TECTA: variants seen among roughly 807,000 people sequenced by gnomAD.
TECTA encodes the protein tectorin alpha, also known as alpha-tectorin.
Under a neutral mutation model 216.8 loss-of-function variants are expected in TECTA, and 128 were observed. The ratio of observed to expected loss-of-function variants is 0.59; its 90% CI spans 0.51 to 0.68. The LOEUF (loss-of-function observed/expected upper bound fraction) is 0.68, where lower values mean the gene tolerates loss of function less well. TECTA is among the 30% of genes least tolerant of loss of function. TECTA has a pLI of 0.00. For synonymous variants in TECTA, 1,089 were observed against 1,117.1 expected (o/e 0.97, Z 0.50); for missense variants, 2,551 against 2,786.2 (o/e 0.92, Z 1.90).
At chr11:121,114,493 A>G (rs1946477119) in intron 6 of TECTA, among the ~76,000 whole-genome samples, 1 of 152,174 alleles carries the variant, frequency 6.6e-6, no homozygotes, top group Non-Finnish European at 1.5e-5. Flanking sequence ...TAATATTTCT[A>G]CTTCCAGGAG....
At chr11:121,106,051 A>C in intron 3 of TECTA, 87 bp downstream of exon 3, 1 of 1,602,058 alleles carries the variant, frequency 6.2e-7, no homozygotes, top group Non-Finnish European at 8.5e-7. Context: ...CCTCTTCCAG[A>C]GCTCTGGGAA....
At chr11:121,168,373 G>T in intron 19 of TECTA, 156 bp downstream of exon 19, 1 of 1,049,752 alleles carries the variant, frequency 9.5e-7, no homozygotes. Flanking sequence ...TTGTTCAATA[G>T]AACTCTCTGT....
chr11:121,115,756 G>T (rs1346660987), intron 6 of TECTA, among the ~76,000 whole-genome samples: 1 of 152,052 alleles, frequency 6.6e-6, no homozygotes. Flanking sequence ...AAACTCCTGG[G>T]CTCAAGTAAT....
chr11:121,115,508 T>C (rs1486958166), intron 6 of TECTA, among the ~76,000 whole-genome samples: 1 of 152,176 alleles, frequency 6.6e-6, no homozygotes, highest in Admixed American at 6.5e-5. Context: ...ATGGGAAAAG[T>C]GTTTCCAGAC....
At position 121,172,475 on chromosome 11, in the gene TECTA, G is replaced by C. The variant is rs1334485084; in HGVS notation, c.5999+3550G>C. 4.6e-5 allele frequency among the ~76,000 whole-genome samples: 7 copies of C among 152,086 alleles called. No individual in the cohort carries two copies. The East Asian group carries it at 1.2e-3, about 25-fold the overall frequency. ...GTTCTTGTGATAGTTTACTGAGAAT[G>C]ATGATTTCCAATTTCATCCATGTCC... On this transcript the variant is annotated intron_variant, in intron 20 of 23. Transcript: ENST00000392793.
intron 20 of TECTA, among the ~76,000 whole-genome samples, chr11:121,183,711 G>A (rs1424376679): frequency 2.6e-5 from 4 of 152,200 alleles, no homozygotes; most frequent in African/African-American, 9.7e-5. Context: ...TGGCGACAGA[G>A]CAAGACTCCA....
chr11:121,114,057 T>TTGC (rs1301332889), intron 6 of TECTA, among the ~76,000 whole-genome samples: 6 of 152,174 alleles, frequency 3.9e-5, no homozygotes, highest in Non-Finnish European at 5.9e-5. Context: ...GTTGTTGTTG[T>TTGC]TGCCATTTCC....
chr11:121,167,888 T>A (rs975672770), intron 18 of TECTA, among the ~76,000 whole-genome samples, 166 bp from the exon 19 acceptor site: 2 of 152,158 alleles, frequency 1.3e-5, no homozygotes, highest in African/African-American at 4.8e-5. Flanking sequence ...TAATACTTTT[T>A]TTTCCCCCAA....
chr11:121,145,569 G>T lies in TECTA; in HGVS notation c.3558G>T (p.Arg1186=), dbSNP rs766364285. The T allele has an allele frequency of 8.7e-6, 14 of 1,614,092 alleles. No individual in the cohort carries two copies. The South Asian group carries it at 1.5e-4, about 18-fold the overall frequency. Reference sequence around the variant, plus strand: ...TCCTCTTACAGGTCAACAGTGAACGGCTCTATCTGCCCCTGAAGCTGGGGC... The same window carrying T: ...TCCTCTTACAGGTCAACAGTGAACGTCTCTATCTGCCCCTGAAGCTGGGGC... The part of the protein sequence containing the change: ...YKHTVLVNSE[R]LYLPLKLGQG... The change falls in exon 12 of 24, where the codon CGG becomes CGT. Residue 1186 remains arginine (R), a synonymous_variant. Transcript: ENST00000392793.
At chr11:121,164,327 T>TA (rs1030838019) in intron 16 of TECTA, among the ~76,000 whole-genome samples, 64 of 152,284 alleles carry the variant, frequency 4.2e-4, no homozygotes, top group African/African-American at 1.4e-3. Context: ...AAACTCTTTT[T>TA]AAAAAAACTC....
intron 12 of TECTA, among the ~76,000 whole-genome samples, chr11:121,147,930 T>C (rs1324753267): frequency 6.6e-6 from 1 of 152,134 alleles, no homozygotes; most frequent in East Asian, 1.9e-4. Context: ...TTGTCACTCA[T>C]GGGAAGGAAA....
rs142838739 is a variant in TECTA at position 121,113,612 on chromosome 11, C to T, written c.684C>T (p.Pro228=). 38 of 1,614,004 alleles carry T rather than the reference C, an allele frequency of 2.4e-5. No individual in the cohort carries two copies. In the South Asian group the frequency reaches 3.6e-4, roughly 15 times the overall value. The part of the protein sequence containing the change: ...NFFSLPGSRT[P]EIVNIQETTN... ...TCAGCCTCCCGGGGTCAAGAACCCC[C>T]GAGATCGTGAATATCCAGGAGACCA... The change falls in exon 6 of 24, where the codon CCC becomes CCT. Residue 228 remains proline (P), a synonymous_variant. Coordinates refer to ENST00000392793, the MANE Select transcript of TECTA (RefSeq NM_005422.4). This position sits in a 1 kb window ranked among gnomAD's most constrained non-coding sequence, Gnocchi z 4.2.
intron 20 of TECTA, among the ~76,000 whole-genome samples, chr11:121,175,364 G>A (rs1173414832): frequency 2.0e-5 from 3 of 151,840 alleles, no homozygotes; most frequent in Non-Finnish European, 4.4e-5. Flanking sequence ...ACTGCTTTGA[G>A]TGTGTCCCAG....
In TECTA at chr11:121,109,110, T is replaced by C. The variant is rs907670665; in HGVS notation, c.199-101T>C. On this transcript the variant is annotated intron_variant, in intron 3 of 23. Transcript: ENST00000392793. The stretch of plus-strand genomic sequence containing the variant: ...GGTTCTAATTCAGTAGTTTAAAAGT[T>C]GTTTTCATTCATACAGTTAGGCGAA... 3.0e-6 allele frequency: 4 copies of C among 1,331,180 alleles called. No homozygotes were observed. In the African/African-American group the frequency reaches 4.3e-5, roughly 14 times the overall value. The allele number at this position is 1,331,180 out of a possible 1,614,324, so 82.5% of individuals were successfully genotyped here.
chr11:121,189,041 A>C, intron 21 of TECTA, 39 bp from the exon 22 acceptor site: 1 of 1,599,948 alleles, frequency 6.3e-7, no homozygotes, highest in Non-Finnish European at 8.6e-7. Context: ...TTATCAGCTT[A>C]ATTGTGTGAA....
chr11:121,138,807 A>G (rs1485968405), intron 11 of TECTA, among the ~76,000 whole-genome samples: 1 of 152,250 alleles, frequency 6.6e-6, no homozygotes, highest in Non-Finnish European at 1.5e-5. Flanking sequence ...TGAAATGCTA[A>G]CAATCAAGCC....
intron 6 of TECTA, among the ~76,000 whole-genome samples, chr11:121,116,297 C>T (rs1946501045): frequency 6.6e-6 from 1 of 152,188 alleles, no homozygotes; most frequent in Non-Finnish European, 1.5e-5. Context: ...TATCTCCCTC[C>T]CCTGTATAGC....
At position 121,119,012 on chromosome 11, in the gene TECTA, C is replaced by CACAT. The variant is rs766489909; in HGVS notation, c.1203+297_1203+298insTACA. Among the ~76,000 whole-genome samples the CACAT allele has an allele frequency of 0.12, 10,530 of 87,474 alleles. 1,210 individuals are homozygous for CACAT. Among genetic ancestry groups the CACAT allele is most frequent in the African/African-American group, 0.27 (9,442 of 35,308 alleles). The allele number at this position is 87,474 out of a possible 152,430, so 57.4% of individuals were successfully genotyped here. A position where few individuals can be genotyped will look rare whatever the true frequency, so the allele number is the denominator to read the frequency against. ...TGATAGGCACACACACACACACACA[C>CACAT]ACACACACACACACACACACACACA... On this transcript the variant is annotated intron_variant, in intron 7 of 23. Coordinates refer to ENST00000392793, the MANE Select transcript of TECTA (RefSeq NM_005422.4).
intron 12 of TECTA, among the ~76,000 whole-genome samples, chr11:121,150,783 C>G (rs1490764987): frequency 6.6e-6 from 1 of 151,566 alleles, no homozygotes; most frequent in African/African-American, 2.4e-5. Flanking sequence ...GTAGCTGGGA[C>G]TAAAGGCGCA....
Sources: gnomAD v4.1 joint callset for allele counts (sites outside exome capture counted in the v4.1 genomes callset) on GRCh38, gnomAD v4.1.1 for gene constraint, Gnocchi (gnomAD v3.1) non-coding constraint, MANE v1.5 for transcripts, NCBI Gene and HGNC (gene_info 2026-07-23, HGNC 2026-07-21) for gene names.